Variants in DLC1 observed in about 807,000 individuals in gnomAD.
DLC1 encodes rho GTPase-activating protein 7.
A neutral mutation model predicts 140.3 loss-of-function variants in DLC1; 54 were observed. The observed-to-expected ratio is 0.38, with a 90% CI of 0.31 to 0.48. DLC1 has a LOEUF of 0.48. Among genes scored for constraint, DLC1 ranks in the 20% least tolerant of loss-of-function variants. The pLI is 0.96. For missense variants in DLC1, 2,536 were observed against 1,907.0 expected (o/e 1.33, Z -6.14); for synonymous variants, 986 against 728.1 (o/e 1.35, Z -5.70).
intron 2 of DLC1, among the ~76,000 whole-genome samples, chr8:13,435,150 T>C (rs1214162303): frequency 6.6e-6 from 1 of 152,158 alleles, no homozygotes; most frequent in Non-Finnish European, 1.5e-5. Flanking sequence ...AATATCAACA[T>C]GAACAGGCAT....
chr8:13,453,428 A>T (rs867870754), intron 2 of DLC1, among the ~76,000 whole-genome samples: 36 of 30,862 alleles, frequency 1.2e-3, no homozygotes, highest in South Asian at 2.0e-3. Context: ...ATATATGTGT[A>T]TATATATATG....
At chr8:13,414,445 G>A (rs1837953468) in intron 2 of DLC1, among the ~76,000 whole-genome samples, 1 of 152,168 alleles carries the variant, frequency 6.6e-6, no homozygotes, top group African/African-American at 2.4e-5. Flanking sequence ...ATCCTGGCTT[G>A]ACCAATTTAA....
intron 2 of DLC1, among the ~76,000 whole-genome samples, chr8:13,453,424 G>GGA: frequency 1.8e-5 from 1 of 56,516 alleles, no homozygotes; most frequent in East Asian, 7.3e-4. Flanking sequence ...ATATATATAT[G>GGA]TGTATATATA....
intron 5 of DLC1, among the ~76,000 whole-genome samples, chr8:13,210,414 T>C (rs919339220): frequency 6.6e-6 from 1 of 152,162 alleles, no homozygotes; most frequent in African/African-American, 2.4e-5. Context: ...ATTGTCATTG[T>C]CAATGTCAAT....
At chr8:13,147,066 C>T (rs1161704694) in intron 5 of DLC1, among the ~76,000 whole-genome samples, 1 of 152,012 alleles carries the variant, frequency 6.6e-6, no homozygotes, top group Non-Finnish European at 1.5e-5. Flanking sequence ...CTTCATTTGC[C>T]CTGGTTTGTC....
In DLC1 at chr8:13,575,880, G is replaced by T. The variant is rs149457506; in HGVS notation, c.-126+28657C>A. 4.1e-4 allele frequency among the ~76,000 whole-genome samples: 63 copies of T among 152,312 alleles called. No homozygotes were observed. The East Asian group carries it at 0.012, about 28-fold the overall frequency. Reference sequence around the variant, plus strand: ...AGGCTTTGTATTGTGGCTTTAGTATGCACTGAGACATGTGTAACCTTAACA... The same window carrying T: ...AGGCTTTGTATTGTGGCTTTAGTATTCACTGAGACATGTGTAACCTTAACA... On this transcript the variant is annotated intron_variant, in intron 1 of 1. Coordinates refer to the DLC1 transcript ENST00000631382.
At chr8:13,503,126 T>C (rs1378186268) in intron 1 of DLC1, among the ~76,000 whole-genome samples, 1 of 152,206 alleles carries the variant, frequency 6.6e-6, no homozygotes, top group East Asian at 1.9e-4. Flanking sequence ...ACAAAATTAC[T>C]GGGCATGATG....
At chr8:13,114,565 G>C (rs1820384372) in intron 6 of DLC1, among the ~76,000 whole-genome samples, 1 of 151,810 alleles carries the variant, frequency 6.6e-6, no homozygotes, top group South Asian at 2.1e-4. Flanking sequence ...AAAACTGAAT[G>C]CCACAGAAAA....
chr8:13,341,034 A>T (rs1163824761), intron 4 of DLC1: 5 of 152,168 alleles, frequency 3.3e-5, no homozygotes, highest in Admixed American at 6.5e-5. Flanking sequence ...ATTGAGACTC[A>T]TGGTGGGGAG....
At chr8:13,531,280 A>G (rs1171974960) in intron 1 of DLC1, among the ~76,000 whole-genome samples, 1 of 152,184 alleles carries the variant, frequency 6.6e-6, no homozygotes, top group African/African-American at 2.4e-5. Flanking sequence ...ATTGAGTTAC[A>G]TTTACAGCAA....
rs1563453973 is a variant in DLC1 at position 13,579,349 on chromosome 8, A to T, written c.-126+25188T>A. Among the ~76,000 whole-genome samples the T allele has an allele frequency of 1.7e-4, 9 of 52,160 alleles. 2 individuals carry two copies. Among genetic ancestry groups the T allele is most frequent in the East Asian group, 1.4e-3 (2 of 1,404 alleles). 34.2% of individuals were successfully genotyped at this position (52,160 alleles called of 152,430 possible). A position where few individuals can be genotyped will look rare whatever the true frequency, so the allele number is the denominator to read the frequency against. On this transcript the variant is annotated intron_variant, in intron 1 of 1. Coordinates refer to the DLC1 transcript ENST00000631382. ...TATATATATATATATATATATATAT[A>T]TATATATATATATTTTTATATAATA...
chr8:13,097,203 C>G (rs931715827), intron 10 of DLC1, among the ~76,000 whole-genome samples: 1 of 151,910 alleles, frequency 6.6e-6, no homozygotes, highest in Middle Eastern at 3.4e-3. Flanking sequence ...AAAAAGTAAC[C>G]TGAATTCTTT....
At chr8:13,468,864 AGGC>A (rs1800075100) in intron 2 of DLC1, among the ~76,000 whole-genome samples, 4 of 121,540 alleles carry the variant, frequency 3.3e-5, no homozygotes, top group Non-Finnish European at 6.3e-5. Context: ...CTCTGTTGCC[AGGC>A]TGGAGTGCAG....
chr8:13,269,526 G>A (rs2117373282), intron 5 of DLC1, among the ~76,000 whole-genome samples: 1 of 151,702 alleles, frequency 6.6e-6, no homozygotes, highest in East Asian at 1.9e-4. Context: ...GACCACCCTG[G>A]GTGACAGAGC....
chr8:13,514,494 T>C (rs1015275391), intron 1 of DLC1, 108 bp downstream of exon 1: 5 of 397,756 alleles, frequency 1.3e-5, no homozygotes, highest in African/African-American at 8.2e-5. Context: ...GGCTTTGCTC[T>C]AAAACCTAGG....
At chr8:13,105,215 G>C (rs1441256002) in intron 7 of DLC1, among the ~76,000 whole-genome samples, 3 of 152,108 alleles carry the variant, frequency 2.0e-5, no homozygotes, top group African/African-American at 7.2e-5. Context: ...TTTTTATGTT[G>C]GTAGCACCCA....
intron 5 of DLC1, among the ~76,000 whole-genome samples, chr8:13,118,224 T>G (rs1820744422): frequency 6.6e-6 from 1 of 152,118 alleles, no homozygotes; most frequent in African/African-American, 2.4e-5. Flanking sequence ...TGACTCCAAA[T>G]GATCATAAAC....
At chr8:13,596,314 A>C (rs55640126) in intron 1 of DLC1, among the ~76,000 whole-genome samples, 77,683 of 151,672 alleles carry the variant, frequency 0.51, 20,405 homozygotes, top group African/African-American at 0.6. Context: ...GAGACAGTTT[A>C]AGGAGGGAAA....
intron 2 of DLC1, among the ~76,000 whole-genome samples, chr8:13,469,898 T>A (rs1031467119): frequency 2.6e-5 from 4 of 152,182 alleles, no homozygotes; most frequent in Admixed American, 2.0e-4. Context: ...GAAATTCTAG[T>A]TTCTGCCCTC....
Sources: allele counts gnomAD v4.1 joint callset (sites outside exome capture counted in the v4.1 genomes callset), GRCh38; gene constraint gnomAD v4.1.1; transcripts MANE v1.5; gene names NCBI Gene and HGNC (gene_info 2026-07-23, HGNC 2026-07-21).